The following TWIST1 variants were observed in gnomAD, a reference collection of about 807,000 sequenced individuals.
TWIST1 encodes twist-related protein 1.
Under a neutral mutation model 12.9 loss-of-function variants are expected in TWIST1, and 8 were observed. The observed-to-expected ratio is 0.62, with a 90% CI of 0.37 to 1.12. TWIST1 has a LOEUF of 1.12. Ranked by LOEUF, TWIST1 falls within the 50% of genes most tolerant of loss-of-function variation. The pLI is 0.02. For synonymous variants in TWIST1, 169 were observed against 138.7 expected (o/e 1.22, Z -1.54); for missense variants, 268 against 299.7 (o/e 0.89, Z 0.78).
At chr7:19,114,386 A>G (rs929973193), downstream of TWIST1, 1 of 152,220 alleles carries the variant, frequency 6.6e-6, no homozygotes, top group East Asian at 1.9e-4. Context: ...GTTTGGATAC[A>G]TACACTTATT....
downstream of TWIST1, among the ~76,000 whole-genome samples, chr7:19,115,159 T>C (rs763511365): frequency 6.6e-6 from 1 of 152,212 alleles, no homozygotes; most frequent in Admixed American, 6.5e-5. Flanking sequence ...TATTTGCATT[T>C]AACTGTTTTA....
Position 19,117,416 on chromosome 7 carries a change from C to T in TWIST1, c.-95G>A, listed in dbSNP as rs1788599992. ...AGCTTCCCCCGCGCGCGGCGCCGGC[C>T]CGGGCGATGCGGCCCGCGGAGGAGA... On this transcript the variant is annotated 5_prime_UTR_variant, in exon 1 of 2. Transcript: ENST00000242261. 3 of 1,220,932 alleles carry T rather than the reference C, an allele frequency of 2.5e-6. No homozygotes were observed. The highest frequency in any genetic ancestry group is 1.6e-5 in the African/African-American group (1 of 62,122). 75.6% of individuals were successfully genotyped at this position (1,220,932 alleles called of 1,614,324 possible).
downstream of TWIST1, among the ~76,000 whole-genome samples, chr7:19,114,566 T>C (rs1160751927): frequency 5.3e-5 from 8 of 152,182 alleles, no homozygotes; most frequent in Non-Finnish European, 1.0e-4. Context: ...ATAATCAGAA[T>C]GAAATAAAAA....
chr7:19,115,183 C>CA (rs1788540365), downstream of TWIST1, among the ~76,000 whole-genome samples: 1 of 152,126 alleles, frequency 6.6e-6, no homozygotes, highest in African/African-American at 2.4e-5. Flanking sequence ...ACTATCACCT[C>CA]AAAATAAAAA....
chr7:19,117,245 C>T lies in TWIST1; in HGVS notation c.77G>A (p.Arg26Gln), dbSNP rs1171762153. 3.5e-6 allele frequency: 5 copies of T among 1,433,244 alleles called. No individual in the cohort carries two copies. The highest frequency in any genetic ancestry group is 1.5e-5 in the African/African-American group (1 of 67,470). The allele number at this position is 1,433,244 out of a possible 1,614,324, so 88.8% of individuals were successfully genotyped here. Reference protein sequence around the residue: ...SLSNSEEEPDRQQPPSGKRGG... With the variant: ...SLSNSEEEPDQQQPPSGKRGG... ...GCGCTTGCCGCTCGGCGGCTGCTGC[C>T]GGTCTGGCTCTTCCTCGCTGTTGCT... The change falls in exon 1 of 2, where the codon CGG becomes CAG. Residue 26 changes from arginine to glutamine, a missense_variant. By Grantham distance (43) the Arg-to-Gln change is conservative. Around this residue, in one of 2 missense-constraint regions of TWIST1, gnomAD observed 189 missense variants for 172.1 expected, o/e 1.10. Coordinates refer to ENST00000242261, the MANE Select transcript of TWIST1 (RefSeq NM_000474.4).
chr7:19,115,390 G>A (rs2115395042), downstream of TWIST1: 1 of 152,554 alleles, frequency 6.6e-6, no homozygotes, highest in African/African-American at 2.4e-5. Context: ...TCCCTCCTGG[G>A]TGCCTCTAGA....
downstream of TWIST1, among the ~76,000 whole-genome samples, chr7:19,115,224 G>GTTAA (rs1788541129): frequency 1.3e-5 from 2 of 152,180 alleles, no homozygotes; most frequent in Non-Finnish European, 2.9e-5. Flanking sequence ...TTAAGTTTTT[G>GTTAA]CTGTTTGGAG....
Position 19,116,991 on chromosome 7 carries a change from C to T in TWIST1, c.331G>A (p.Val111Ile), listed in dbSNP as rs202071774. 3.1e-6 allele frequency: 5 copies of T among 1,609,722 alleles called. No homozygotes were observed. Among genetic ancestry groups the T allele is most frequent in the African/African-American group, 2.7e-5 (2 of 74,904 alleles). Residue 111 changes from valine (V) to isoleucine (I), a missense_variant, in exon 1 of 2, where the codon GTC becomes ATC. Physicochemically the swap from Val to Ile is conservative, Grantham distance 29 (BLOSUM62 3). Coordinates refer to ENST00000242261, the MANE Select transcript of TWIST1 (RefSeq NM_000474.4). ...TGGCGCTCCCGCACGTTGGCCATGA[C>T]CCGCTGCGTCTGCAGCTCCTCGTAA... ...QSYEELQTQR[V>I]MANVRERQRT...
Position 19,117,487 on chromosome 7 carries a change from G to GGGGGGGCGGGGA in TWIST1, c.-167_-166insTCCCCGCCCCCC. The GGGGGGGCGGGGA allele has an allele frequency of 8.4e-7, 1 of 1,191,962 alleles. No homozygotes were observed. The highest frequency in any genetic ancestry group is 3.1e-5 in the South Asian group (1 of 31,978). 73.8% of individuals were successfully genotyped at this position (1,191,962 alleles called of 1,614,324 possible). ...GGGACCTCCGCGGGGAGGGCGCGCG[G>GGGGGGGCGGGGA]GGGAGGCGGGGAGGGAGGCGGGAGG... On this transcript the variant is annotated 5_prime_UTR_variant, in exon 1 of 2. Coordinates refer to ENST00000242261, the MANE Select transcript of TWIST1 (RefSeq NM_000474.4).
At chr7:19,115,209 A>C (rs930955411), downstream of TWIST1, among the ~76,000 whole-genome samples, 13 of 152,204 alleles carry the variant, frequency 8.5e-5, no homozygotes, top group African/African-American at 3.1e-4. Flanking sequence ...TGAATAGCAA[A>C]TTTGTTAAGT....
rs1788599220 is a variant in TWIST1 at position 19,117,396 on chromosome 7, C to T, written c.-75G>A. ...GCGGGGCGCCTCAGCCCGCCAGCTT[C>T]CCCCGCGCGCGGCGCCGGCCCGGGC... On this transcript the variant is annotated 5_prime_UTR_variant, in exon 1 of 2. Transcript: ENST00000242261. The T allele has an allele frequency of 8.5e-6, 11 of 1,295,952 alleles. No individual in the cohort carries two copies. The highest frequency in any genetic ancestry group is 1.1e-5 in the Non-Finnish European group (11 of 1,017,634). The allele number at this position is 1,295,952 out of a possible 1,614,324, so 80.3% of individuals were successfully genotyped here.
Position 19,115,578 on chromosome 7 carries a change from A to C in TWIST1, c.*596T>G, listed in dbSNP as rs1203429122. On this transcript the variant is annotated 3_prime_UTR_variant, in exon 2 of 2. Transcript: ENST00000242261. ...ACACCGGATCTATTTGCATTTTACCATGGGTCCTCAATAAATAAATAGAAT... is the reference window on the plus strand; with the variant it reads ...ACACCGGATCTATTTGCATTTTACCCTGGGTCCTCAATAAATAAATAGAAT... The C allele has an allele frequency of 1.3e-5, 2 of 152,522 alleles. No individual in the cohort carries two copies. The highest frequency in any genetic ancestry group is 2.9e-5 in the Non-Finnish European group (2 of 68,002). 9.4% of individuals were successfully genotyped at this position (152,522 alleles called of 1,614,324 possible). A position where few individuals can be genotyped will look rare whatever the true frequency, so the allele number is the denominator to read the frequency against.
chr7:19,114,593 T>C (rs1788530519), downstream of TWIST1, among the ~76,000 whole-genome samples: 1 of 152,216 alleles, frequency 6.6e-6, no homozygotes, highest in Admixed American at 6.5e-5. Flanking sequence ...CACCCCCGTT[T>C]GCCCATTATT....
intron 1 of TWIST1, 117 bp downstream of exon 1, chr7:19,116,554 G>C (rs1788570340): frequency 1.1e-6 from 1 of 878,944 alleles, no homozygotes; most frequent in South Asian, 1.7e-5. Flanking sequence ...AGTGAGGTGG[G>C]AAGGCTGAGC....
chr7:19,116,219 C>T (rs1788562464), intron 1 of TWIST1, 88 bp from the exon 2 acceptor site: 1 of 159,488 alleles, frequency 6.3e-6, no homozygotes, highest in South Asian at 1.9e-4. Flanking sequence ...CTGTTCTTAT[C>T]ACCACCACTG....
At chr7:19,115,055 A>C (rs1788538204), downstream of TWIST1, among the ~76,000 whole-genome samples, 1 of 152,164 alleles carries the variant, frequency 6.6e-6, no homozygotes, top group African/African-American at 2.4e-5. Context: ...ATATGTTTTC[A>C]CTGAAAAGAA....
At position 19,117,194 on chromosome 7, in the gene TWIST1, C is replaced by G. The variant is rs1156562532; in HGVS notation, c.128G>C (p.Arg43Thr). The G allele has an allele frequency of 8.0e-7, 1 of 1,250,860 alleles. No individual in the cohort carries two copies. The highest frequency in any genetic ancestry group is 1.0e-6 in the Non-Finnish European group (1 of 990,730). 77.5% of individuals were successfully genotyped at this position (1,250,860 alleles called of 1,614,324 possible). A position where few individuals can be genotyped will look rare whatever the true frequency, so the allele number is the denominator to read the frequency against. Reference protein sequence around the residue: ...KRGGRKRRSSRRSAGGGAGPG... With the variant: ...KRGGRKRRSSTRSAGGGAGPG... ...CCCCGCGCCGCCGCCCGCGCTGCGCCTGCTGCTGCGCCGCTTGCGTCCCCC... is the reference window on the plus strand; with the variant it reads ...CCCCGCGCCGCCGCCCGCGCTGCGCGTGCTGCTGCGCCGCTTGCGTCCCCC... Residue 43 changes from arginine to threonine, a missense_variant, in exon 1 of 2, where the codon AGG becomes ACG. Arg to Thr is a moderately conservative substitution (Grantham distance 71). This residue lies in a region of TWIST1 where 189 missense variants were observed against 172.1 expected (regional missense o/e 1.10). Transcript: ENST00000242261.
At chr7:19,115,155 C>T (rs1026188488), downstream of TWIST1, among the ~76,000 whole-genome samples, 3 of 152,102 alleles carry the variant, frequency 2.0e-5, no homozygotes, top group Non-Finnish European at 4.4e-5. Flanking sequence ...TCCTTATTTG[C>T]ATTTAACTGT....
downstream of TWIST1, among the ~76,000 whole-genome samples, chr7:19,114,907 C>A (rs543059785): frequency 6.6e-6 from 1 of 152,324 alleles, no homozygotes; most frequent in South Asian, 2.1e-4. Context: ...AAACATGACA[C>A]TAAACGTCAT....
Sources: gnomAD v4.1 joint callset for allele counts (sites outside exome capture counted in the v4.1 genomes callset) on GRCh38, gnomAD v4.1.1 for gene constraint, gnomAD v4.1.1 regional missense constraint, MANE v1.5 for transcripts, NCBI Gene and HGNC (gene_info 2026-07-23, HGNC 2026-07-21) for gene names.